The following GRIK2 variants were observed in gnomAD, a reference collection of about 807,000 sequenced individuals.
The protein encoded by GRIK2 is glutamate receptor ionotropic, kainate 2.
Under a neutral mutation model 100.3 loss-of-function variants are expected in GRIK2, and 32 were observed. The observed-to-expected ratio is 0.32, with a 90% confidence interval of 0.24 to 0.43. The LOEUF is 0.43. Ranked by LOEUF, GRIK2 falls within the 20% of genes least tolerant of loss-of-function variation. The probability of loss-of-function intolerance (pLI) is 1.00; values close to 1 mark genes in which losing one functional copy is unlikely to be tolerated. For missense variants in GRIK2, 843 were observed against 1,114.9 expected, an observed-to-expected ratio of 0.76 and a Z score of 3.47; for synonymous variants, 417 against 389.4, an observed-to-expected ratio of 1.07 and a Z score of -0.83.
chr6:101,485,891 A>G (rs1243352195), intron 2 of GRIK2, among the ~76,000 whole-genome samples: 2 of 150,176 alleles, frequency 1.3e-5, no homozygotes, highest in Admixed American at 6.7e-5. Flanking sequence ...AAACGTAATT[A>G]GCAGGCACAG....
chr6:101,896,972 C>G (rs1787490265), intron 12 of GRIK2, among the ~76,000 whole-genome samples: 1 of 149,590 alleles, frequency 6.7e-6, no homozygotes, highest in South Asian at 2.1e-4. Flanking sequence ...TTAATCAATT[C>G]TTTATGGAAC....
chr6:101,845,334 C>T (rs976540335), intron 10 of GRIK2, among the ~76,000 whole-genome samples: 1 of 152,076 alleles, frequency 6.6e-6, no homozygotes, highest in African/African-American at 2.4e-5. Context: ...ACCCATGAGG[C>T]CCTGGCAATA....
chr6:101,822,721 A>G (rs1782034407), intron 10 of GRIK2, among the ~76,000 whole-genome samples: 1 of 151,962 alleles, frequency 6.6e-6, no homozygotes, highest in Non-Finnish European at 1.5e-5. Context: ...ACCATTACTT[A>G]TTTATAGTAT....
intron 2 of GRIK2, among the ~76,000 whole-genome samples, chr6:101,612,405 T>A (rs945155235): frequency 1.3e-5 from 2 of 151,888 alleles, no homozygotes; most frequent in African/African-American, 4.8e-5. Context: ...TTTTGATGAC[T>A]TTTTATTAAT....
chr6:101,618,466 C>A (rs1779999163), intron 2 of GRIK2, among the ~76,000 whole-genome samples: 2 of 151,626 alleles, frequency 1.3e-5, no homozygotes, highest in South Asian at 2.1e-4. Context: ...ACATTAAAAT[C>A]CTTTAATTCT....
chr6:101,687,399 T>C (rs1220480211), intron 7 of GRIK2, among the ~76,000 whole-genome samples: 1 of 151,988 alleles, frequency 6.6e-6, no homozygotes, highest in Non-Finnish European at 1.5e-5. Context: ...CATCTGCTTT[T>C]AATGAGTATT....
intron 11 of GRIK2, among the ~76,000 whole-genome samples, chr6:101,874,448 T>C (rs1037029210): frequency 6.6e-6 from 1 of 152,180 alleles, no homozygotes; most frequent in Non-Finnish European, 1.5e-5. Context: ...TCTGTTCCAT[T>C]GGTCTATATC....
intron 2 of GRIK2, among the ~76,000 whole-genome samples, chr6:101,492,566 A>C (rs767504245): frequency 1.3e-5 from 2 of 151,930 alleles, no homozygotes; most frequent in African/African-American, 4.8e-5. Flanking sequence ...TATCTTTTTG[A>C]TATGGCTTCT....
At chr6:101,730,874 TAA>T (rs1775219500) in intron 7 of GRIK2, among the ~76,000 whole-genome samples, 1 of 151,900 alleles carries the variant, frequency 6.6e-6, no homozygotes, top group Non-Finnish European at 1.5e-5. Flanking sequence ...AGTTAGTGTT[TAA>T]AAAGAGTGAA....
intron 2 of GRIK2, among the ~76,000 whole-genome samples, chr6:101,617,282 C>T (rs892514632): frequency 6.6e-6 from 1 of 151,742 alleles, no homozygotes; most frequent in Non-Finnish European, 1.5e-5. Context: ...AAAAGCACAT[C>T]ATGCTCTCTT....
intron 2 of GRIK2, among the ~76,000 whole-genome samples, chr6:101,618,504 A>G (rs1193627937): frequency 3.9e-5 from 6 of 151,902 alleles, no homozygotes; most frequent in Non-Finnish European, 5.9e-5. Flanking sequence ...TTTTTTAATT[A>G]TACTTACCAT....
intron 13 of GRIK2, 71 bp from the exon 14 acceptor site, chr6:101,928,344 T>G (rs977390871): frequency 1.2e-6 from 1 of 819,732 alleles, no homozygotes; most frequent in African/African-American, 1.7e-5. Context: ...ATTCTGCCAC[T>G]GTGACAAAAA....
chr6:101,909,371 G>GTTGTTTT (rs1788477218), intron 12 of GRIK2, among the ~76,000 whole-genome samples: 1 of 83,536 alleles, frequency 1.2e-5, no homozygotes, highest in Admixed American at 1.6e-4. Flanking sequence ...GGAAGATAGG[G>GTTGTTTT]TTTTCTTTTT....
intron 10 of GRIK2, among the ~76,000 whole-genome samples, chr6:101,852,026 C>T (rs924604448): frequency 6.6e-6 from 1 of 150,948 alleles, no homozygotes; most frequent in African/African-American, 2.4e-5. Flanking sequence ...ATATTACTGA[C>T]CTCATGTAGT....
intron 2 of GRIK2, among the ~76,000 whole-genome samples, chr6:101,452,360 G>A (rs1215837974): frequency 1.3e-5 from 2 of 151,696 alleles, no homozygotes; most frequent in African/African-American, 4.8e-5. Flanking sequence ...AAAATCATGG[G>A]GGAACTTTAA....
At chr6:101,900,484 A>G (rs1787775110) in intron 12 of GRIK2, among the ~76,000 whole-genome samples, 1 of 152,172 alleles carries the variant, frequency 6.6e-6, no homozygotes, top group Non-Finnish European at 1.5e-5. Flanking sequence ...ATATATATTT[A>G]TTTTGATATT....
At chr6:101,878,523 C>A (rs1786026158) in intron 11 of GRIK2, among the ~76,000 whole-genome samples, 1 of 151,844 alleles carries the variant, frequency 6.6e-6, no homozygotes, top group South Asian at 2.1e-4. Context: ...CTGTGTTAAT[C>A]TAAACACAAT....
chr6:101,737,406 C>T (rs960980018), intron 7 of GRIK2, among the ~76,000 whole-genome samples: 1 of 152,198 alleles, frequency 6.6e-6, no homozygotes, highest in Admixed American at 6.5e-5. Context: ...GCTGGGGAGC[C>T]TCACAATCAT....
chr6:101,715,079 T>A (rs1180132585), intron 7 of GRIK2, among the ~76,000 whole-genome samples: 1 of 151,456 alleles, frequency 6.6e-6, no homozygotes, highest in Non-Finnish European at 1.5e-5. Flanking sequence ...CAAAAAAAAA[T>A]ATAGGCTTTG....
Sources: allele counts gnomAD v4.1 joint callset (sites outside exome capture counted in the v4.1 genomes callset), GRCh38; gene constraint gnomAD v4.1.1; transcripts MANE v1.5; gene names NCBI Gene and HGNC (gene_info 2026-07-23, HGNC 2026-07-21).